Variants in PNPLA7 observed in about 807,000 individuals in gnomAD.
PNPLA7 encodes patatin-like phospholipase domain-containing protein 7.
PNPLA7 carries 153 observed loss-of-function variants against 161.7 expected under a neutral mutation model. That is an observed-to-expected ratio of 0.95 (90% CI 0.83 to 1.08). The LOEUF (loss-of-function observed/expected upper bound fraction) is 1.08, where lower values mean the gene tolerates loss of function less well. PNPLA7 is among the 50% of genes least tolerant of loss of function. The pLI is 0.00. For synonymous variants in PNPLA7, 809 were observed against 782.1 expected (o/e 1.03, Z -0.57); for missense variants, 1,739 against 1,856.6 (o/e 0.94, Z 1.16).
chr9:137,464,174 C>G lies in PNPLA7; in HGVS notation c.3178G>C (p.Ala1060Pro). 3.7e-6 allele frequency: 6 copies of G among 1,613,788 alleles called. No homozygotes were observed. The highest frequency in any genetic ancestry group is 5.1e-6 in the Non-Finnish European group (6 of 1,179,962). Residue 1060 changes from alanine (A) to proline (P), a missense_variant, in exon 28 of 35, where the codon GCC (alanine) becomes CCC (proline). Around this residue, in one of 6 missense-constraint regions of PNPLA7, gnomAD observed 703 missense variants for 694.6 expected, o/e 1.01. Coordinates refer to ENST00000406427, the MANE Select transcript of PNPLA7 (RefSeq NM_001098537.3). ...QIEDLWIPYF[A>P]ITTDITASAM... ...GAGGCTGTGATGTCGGTGGTGATGG[C>G]GAAATAAGGAATCCACAGGTCCTGC...
intron 24 of PNPLA7, chr9:137,478,833 C>A: frequency 3.3e-6 from 2 of 597,124 alleles, no homozygotes; most frequent in South Asian, 5.7e-5. Context: ...CCGATGGCCG[C>A]CCTGTGCCTG....
chr9:137,541,580 G>T lies in PNPLA7; in HGVS notation c.667-858C>A. On this transcript the variant is annotated intron_variant, in intron 7 of 34. Coordinates refer to ENST00000406427, the MANE Select transcript of PNPLA7 (RefSeq NM_001098537.3). This position sits in a 1 kb window ranked among gnomAD's most constrained non-coding sequence, Gnocchi z 4.4. ...AAAGCCCAGGGTTTGCTGAGTGCGT[G>T]CTTTAAATGAGAACAAGCAATGGGA... is the stretch of plus-strand genomic sequence containing the variant. 1.3e-6 allele frequency: 1 copy of T among 773,138 alleles called. No homozygotes were observed. The highest frequency in any genetic ancestry group is 1.6e-6 in the Non-Finnish European group (1 of 635,898). 47.9% of individuals were successfully genotyped at this position (773,138 alleles called of 1,614,324 possible). A position where few individuals can be genotyped will look rare whatever the true frequency, so the allele number is the denominator to read the frequency against.
intron 24 of PNPLA7, chr9:137,478,853 C>T (rs2132134426): frequency 4.2e-6 from 3 of 722,044 alleles, no homozygotes; most frequent in Admixed American, 3.4e-5. Flanking sequence ...GCCCCCACTG[C>T]ACCGGCTGCT....
rs150573682 is a variant in PNPLA7 at position 137,479,149 on chromosome 9, G to C, written c.2670C>G (p.Thr890=). 1 of 1,582,702 alleles carries C rather than the reference G, an allele frequency of 6.3e-7. No individual in the cohort carries two copies. Among genetic ancestry groups the C allele is most frequent in the Non-Finnish European group, 8.6e-7 (1 of 1,165,774 alleles). Residue 890 remains threonine, a synonymous_variant, in exon 24 of 35, where the codon ACC becomes ACG. Coordinates refer to ENST00000406427, the MANE Select transcript of PNPLA7 (RefSeq NM_001098537.3). ...AGCTCCGCATGTTGAGCCACTCCAC[G>C]GTGCGCGCTGGCGCCGGGCCCTCCT... ...HREEGPAPAR[T]VEWLNMRSWC... is the part of the protein sequence containing the mutation.
At chr9:137,493,169 G>C in intron 19 of PNPLA7, 87 bp from the exon 20 acceptor site, 1 of 1,386,472 alleles carries the variant, frequency 7.2e-7, no homozygotes, top group Non-Finnish European at 1.0e-6. Flanking sequence ...ACAACAGCGA[G>C]ACTCAGCCAA....
chr9:137,466,692 C>T (rs1831483471), intron 26 of PNPLA7, among the ~76,000 whole-genome samples: 2 of 146,344 alleles, frequency 1.4e-5, no homozygotes, highest in East Asian at 2.1e-4. Flanking sequence ...CCACCATCTC[C>T]ATCACCTCAG....
At chr9:137,509,854 A>T (rs1174444419) in intron 12 of PNPLA7, 5 of 397,454 alleles carry the variant, frequency 1.3e-5, no homozygotes, top group Non-Finnish European at 2.6e-5. Flanking sequence ...GAATAGTTAT[A>T]CCAGATATAG....
intron 14 of PNPLA7, among the ~76,000 whole-genome samples, chr9:137,503,724 G>GA (rs1344051761): frequency 3.5e-5 from 5 of 142,678 alleles, no homozygotes; most frequent in Non-Finnish European, 7.6e-5. Context: ...AGAAAGGGAA[G>GA]AAAGGGGAAG....
Position 137,495,262 on chromosome 9 carries a change from G to T in PNPLA7, c.2014-116C>A. 3 of 671,200 alleles carry T rather than the reference G, an allele frequency of 4.5e-6. No homozygotes were observed. In the South Asian group the frequency reaches 5.7e-5, roughly 13 times the overall value. The allele number at this position is 671,200 out of a possible 1,614,324, so 41.6% of individuals were successfully genotyped here. A position where few individuals can be genotyped will look rare whatever the true frequency, so the allele number is the denominator to read the frequency against. On this transcript the variant is annotated intron_variant, in intron 18 of 34. Transcript: ENST00000406427. ...CCACACATGACACCCCATCCACACC[G>T]CAAGGCGGAGGCAGTCAGTGAGTGC...
In PNPLA7 at chr9:137,543,935, C is replaced by T. The variant is rs986610060; in HGVS notation, c.274-120G>A. The T allele has an allele frequency of 1.7e-5, 14 of 804,128 alleles. No homozygotes were observed. The highest frequency in any genetic ancestry group is 6.8e-5 in the African/African-American group (4 of 58,832). 49.8% of individuals were successfully genotyped at this position (804,128 alleles called of 1,614,324 possible). ...GCCTCCCACAGTCCCAGCTTCAGCT[C>T]CTGGGGTCTGGCTGTGCCATTTTCC... On this transcript the variant is annotated intron_variant, in intron 4 of 34. Transcript: ENST00000406427. The surrounding 1 kb of genome is among the most constrained non-coding windows in gnomAD (Gnocchi z 6.9).
At position 137,499,096 on chromosome 9, in the gene PNPLA7, C is replaced by A. The variant is rs1381963493; in HGVS notation, c.1758-851G>T. ...TGGCTGGGGTGACGGCTGCAAGGCA[C>A]ACCATGCACGGACACACAGGCAGAC... On this transcript the variant is annotated intron_variant, in intron 16 of 34. Transcript: ENST00000406427. The surrounding 1 kb of genome is among the most constrained non-coding windows in gnomAD (Gnocchi z 5.5). 6.6e-6 allele frequency among the ~76,000 whole-genome samples: 1 copy of A among 151,974 alleles called. No individual in the cohort carries two copies. Among genetic ancestry groups the A allele is most frequent in the East Asian group, 1.9e-4 (1 of 5,176 alleles).
At chr9:137,535,923 C>T (rs1436788425) in intron 8 of PNPLA7, among the ~76,000 whole-genome samples, 1 of 151,788 alleles carries the variant, frequency 6.6e-6, no homozygotes, top group Non-Finnish European at 1.5e-5. Flanking sequence ...GAGGCCGAGG[C>T]GGGCAGATCA....
Position 137,547,639 on chromosome 9 carries a change from G to A in PNPLA7, c.51C>T (p.Thr17=), listed in dbSNP as rs367788402. 9.6e-5 allele frequency: 155 copies of A among 1,612,940 alleles called. No individual in the cohort carries two copies. The highest frequency in any genetic ancestry group is 1.2e-4 in the Non-Finnish European group (140 of 1,179,854). The change falls in exon 2 of 35, where the codon ACC becomes ACT. Residue 17 remains threonine (T), a synonymous_variant. Transcript: ENST00000406427. This position sits in a 1 kb window ranked among gnomAD's most constrained non-coding sequence, Gnocchi z 4.6. The part of the protein sequence containing the change: ...DSPQADFCLG[T]ALHSWGLWFT... ...ACCACAGTCCCCAAGAGTGCAGGGCGGTGCCCAGGCAGAAGTCAGCCTGCA... is the reference window on the plus strand; with the variant it reads ...ACCACAGTCCCCAAGAGTGCAGGGCAGTGCCCAGGCAGAAGTCAGCCTGCA...
intron 33 of PNPLA7, chr9:137,461,292 G>T: frequency 2.0e-6 from 1 of 492,744 alleles, no homozygotes; most frequent in Non-Finnish European, 3.7e-6. Context: ...CTGAGGTGTG[G>T]CTGGGAGTTG....
intron 21 of PNPLA7, among the ~76,000 whole-genome samples, chr9:137,482,672 C>T (rs35998893): frequency 6.6e-6 from 1 of 152,244 alleles, no homozygotes; most frequent in East Asian, 1.9e-4. Context: ...CACCACACTG[C>T]ACCACACACA....
At chr9:137,506,207 G>A (rs1833914015) in intron 12 of PNPLA7, 124 bp from the exon 13 acceptor site, 5 of 719,894 alleles carry the variant, frequency 6.9e-6, no homozygotes, top group Admixed American at 4.8e-5. Flanking sequence ...CGAGGGAGTC[G>A]GGCCCTGAGA....
rs1248503053 is a variant in PNPLA7, at chr9:137,520,041, C to T, written c.960G>A (p.Glu320=). The change falls in exon 11 of 35, where the codon GAG becomes GAA. Residue 320 remains glutamate, a splice_region_variant and synonymous_variant. Coordinates refer to ENST00000406427, the MANE Select transcript of PNPLA7 (RefSeq NM_001098537.3). This position sits in a 1 kb window ranked among gnomAD's most constrained non-coding sequence, Gnocchi z 5.2. The part of the protein sequence containing the change: ...LGLTTELFNA[E]SQAIPLVSVA... ...CAGACACGAGAGGGATGGCCTGGCT[C>T]TCCTGGGACACAAGAAGGAAGTTCA... 1.2e-6 allele frequency: 2 copies of T among 1,612,314 alleles called. No individual in the cohort carries two copies. The highest frequency in any genetic ancestry group is 8.5e-7 in the Non-Finnish European group (1 of 1,179,874).
At chr9:137,465,274 C>T (rs925825020) in intron 26 of PNPLA7, among the ~76,000 whole-genome samples, 11 of 152,196 alleles carry the variant, frequency 7.2e-5, no homozygotes, top group South Asian at 2.1e-4. Flanking sequence ...CCAGACCACA[C>T]GCCCACTGTC....
chr9:137,461,451 G>A, intron 33 of PNPLA7, 85 bp downstream of exon 33: 2 of 1,290,770 alleles, frequency 1.5e-6, no homozygotes, highest in Non-Finnish European at 2.1e-6. Context: ...GAGGCCGTGG[G>A]CCTCTGGGGT....
Sources: allele counts gnomAD v4.1 joint callset (sites outside exome capture counted in the v4.1 genomes callset), GRCh38; gene constraint gnomAD v4.1.1; regional missense constraint gnomAD v4.1.1; non-coding constraint Gnocchi (gnomAD v3.1); transcripts MANE v1.5; gene names NCBI Gene and HGNC (gene_info 2026-07-23, HGNC 2026-07-21).